LMTK2: variants seen among roughly 807,000 people sequenced by gnomAD.
The protein encoded by LMTK2 is lemur tail kinase 2.
In LMTK2, 37 loss-of-function variants were observed where a neutral mutation model predicts 127.5. That is an observed-to-expected ratio of 0.29 (90% CI 0.22 to 0.38). The LOEUF is 0.38. Ranked by LOEUF, LMTK2 falls within the 10% of genes least tolerant of loss-of-function variation. LMTK2 has a pLI of 1.00. For synonymous variants in LMTK2, 819 were observed against 810.1 expected (o/e 1.01, Z -0.19); for missense variants, 1,694 against 1,920.3 (o/e 0.88, Z 2.20).
intron 1 of LMTK2, among the ~76,000 whole-genome samples, chr7:98,119,037 A>G (rs1342352041): frequency 6.6e-6 from 1 of 151,156 alleles, no homozygotes; most frequent in African/African-American, 2.4e-5. Flanking sequence ...GGTTGCAGTG[A>G]ACCAAGATAG....
At chr7:98,169,233 C>G (rs1167827090) in intron 6 of LMTK2, among the ~76,000 whole-genome samples, 1 of 152,190 alleles carries the variant, frequency 6.6e-6, no homozygotes, top group East Asian at 1.9e-4. Flanking sequence ...TTCCCTATTC[C>G]TGGGTTAAAG....
chr7:98,155,023 A>T (rs2116393656), intron 5 of LMTK2, 147 bp downstream of exon 5: 1 of 566,460 alleles, frequency 1.8e-6, no homozygotes, highest in Middle Eastern at 4.7e-4. Context: ...TCCAGGCGTC[A>T]TCTGAAAATC....
intron 3 of LMTK2, among the ~76,000 whole-genome samples, chr7:98,148,646 A>G (rs1489027125): frequency 6.6e-6 from 1 of 152,100 alleles, no homozygotes; most frequent in Non-Finnish European, 1.5e-5. Context: ...TGCATGTTTC[A>G]TAATTTCTTT....
In LMTK2 at chr7:98,207,068, TCTG is replaced by T. The variant is rs1406098559; in HGVS notation, c.*1579_*1581del. On this transcript the variant is annotated 3_prime_UTR_variant, in exon 14 of 14. Transcript: ENST00000297293. ...CGACCTCACACCTCCCTCCCTGAGT[TCTG>T]CTCTGACATAAGGAAGTCCTCGGTG... The T allele has an allele frequency of 6.6e-6, 1 of 152,222 alleles. No individual in the cohort carries two copies. Among genetic ancestry groups the T allele is most frequent in the Admixed American group, 6.5e-5 (1 of 15,272 alleles). The allele number at this position is 152,222 out of a possible 1,614,324, so 9.4% of individuals were successfully genotyped here.
At chr7:98,196,019 A>G (rs1422427153) in intron 11 of LMTK2, among the ~76,000 whole-genome samples, 2 of 152,014 alleles carry the variant, frequency 1.3e-5, no homozygotes, top group African/African-American at 4.8e-5. Context: ...GCGAAACCCC[A>G]TCTCTACTAA....
Position 98,151,466 on chromosome 7 carries a change from CT to C in LMTK2, c.450+13del. The C allele has an allele frequency of 6.3e-7, 1 of 1,598,010 alleles. No homozygotes were observed. Among genetic ancestry groups the C allele is most frequent in the Non-Finnish European group, 8.6e-7 (1 of 1,165,650 alleles). ...GGCTGGTTTGGAAAGGTAAGATGCT[CT>C]TCACTTGCATTTGTTTTCCTCTGAA... On this transcript the variant is annotated intron_variant, in intron 4 of 13. Coordinates refer to ENST00000297293, the MANE Select transcript of LMTK2 (RefSeq NM_014916.4).
chr7:98,179,591 T>TCCCTCTC (rs1322678109), intron 7 of LMTK2, among the ~76,000 whole-genome samples: 2 of 142,160 alleles, frequency 1.4e-5, no homozygotes, highest in Non-Finnish European at 3.0e-5. Context: ...CTCTCCCTCC[T>TCCCTCTC]TCCCTCTCTC....
At chr7:98,152,319 G>A in intron 4 of LMTK2, among the ~76,000 whole-genome samples, 1 of 152,210 alleles carries the variant, frequency 6.6e-6, no homozygotes, top group East Asian at 1.9e-4. Flanking sequence ...TCCTAATGGA[G>A]TAGGGATTAC....
chr7:98,181,233 A>G (rs1320315569), intron 7 of LMTK2, among the ~76,000 whole-genome samples: 2 of 152,218 alleles, frequency 1.3e-5, no homozygotes, highest in East Asian at 1.9e-4. Flanking sequence ...TTTATGATCT[A>G]TAACAAGAAC....
intron 3 of LMTK2, among the ~76,000 whole-genome samples, chr7:98,145,843 C>T (rs1183855452): frequency 6.6e-6 from 1 of 152,120 alleles, no homozygotes; most frequent in Admixed American, 6.5e-5. Context: ...CTGTTTTTTA[C>T]TTTTGTTGCT....
chr7:98,143,321 G>C (rs1320903530), intron 3 of LMTK2, among the ~76,000 whole-genome samples: 1 of 152,090 alleles, frequency 6.6e-6, no homozygotes, highest in Non-Finnish European at 1.5e-5. Context: ...AATCCATAAA[G>C]GAACATACTG....
intron 7 of LMTK2, among the ~76,000 whole-genome samples, chr7:98,175,808 G>A (rs1208264072): frequency 6.6e-6 from 1 of 152,192 alleles, no homozygotes; most frequent in Non-Finnish European, 1.5e-5. Context: ...GTAATCAGCC[G>A]AGTAGCTACA....
chr7:98,197,727 A>T (rs940327804), intron 11 of LMTK2, among the ~76,000 whole-genome samples: 5 of 152,112 alleles, frequency 3.3e-5, no homozygotes, highest in Admixed American at 6.5e-5. Flanking sequence ...CTATAGTCTC[A>T]CCTGCTCAGG....
intron 5 of LMTK2, among the ~76,000 whole-genome samples, chr7:98,158,387 G>A (rs921437164): frequency 6.6e-6 from 1 of 152,078 alleles, no homozygotes; most frequent in Non-Finnish European, 1.5e-5. Context: ...CAATACTCCC[G>A]GCTCAGCTTC....
intron 3 of LMTK2, 72 bp downstream of exon 3, chr7:98,141,613 C>G (rs1267856773): frequency 4.2e-6 from 6 of 1,423,336 alleles, no homozygotes; most frequent in African/African-American, 2.8e-5. Flanking sequence ...GCCTAGCCAT[C>G]ATAAATATTG....
At chr7:98,197,239 G>A (rs929093915) in intron 11 of LMTK2, among the ~76,000 whole-genome samples, 14 of 152,228 alleles carry the variant, frequency 9.2e-5, no homozygotes, top group African/African-American at 2.7e-4. Flanking sequence ...TTCCCCATGT[G>A]GGGGTGGTTG....
chr7:98,123,702 T>C (rs903516749), intron 1 of LMTK2, among the ~76,000 whole-genome samples: 2 of 127,818 alleles, frequency 1.6e-5, no homozygotes, highest in African/African-American at 5.5e-5. Context: ...AATTTTCATA[T>C]ATACACACAC....
At chr7:98,107,686 A>G (rs1028111347) in intron 1 of LMTK2, among the ~76,000 whole-genome samples, 3 of 152,186 alleles carry the variant, frequency 2.0e-5, no homozygotes, top group African/African-American at 7.2e-5. Flanking sequence ...CTTAAATGCA[A>G]ATGACTTGGC....
Position 98,180,892 on chromosome 7 carries a change from G to A in LMTK2, c.792-4159G>A, listed in dbSNP as rs1050452275. Among the ~76,000 whole-genome samples the A allele has an allele frequency of 4.6e-5, 7 of 152,050 alleles. No individual in the cohort carries two copies. The South Asian group carries it at 6.2e-4, about 14-fold the overall frequency. ...ATACAAGGAAACACTCTTTCAGGTC[G>A]GGCCGGGCCCAGCTGGTTCCGGTTC... On this transcript the variant is annotated intron_variant, in intron 7 of 13. Coordinates refer to ENST00000297293, the MANE Select transcript of LMTK2 (RefSeq NM_014916.4).
Sources: allele counts gnomAD v4.1 joint callset (sites outside exome capture counted in the v4.1 genomes callset), GRCh38; gene constraint gnomAD v4.1.1; transcripts MANE v1.5; gene names NCBI Gene and HGNC (gene_info 2026-07-23, HGNC 2026-07-21).